CMSS1: variants seen among roughly 807,000 people sequenced by gnomAD.
CMSS1 encodes protein CMSS1.
Under a neutral mutation model 43.5 loss-of-function variants are expected in CMSS1, and 33 were observed. That is an observed-to-expected ratio of 0.76 (90% confidence interval 0.57 to 1.01). The LOEUF (loss-of-function observed/expected upper bound fraction) is 1.01. CMSS1 is among the 50% of genes least tolerant of loss of function. The probability of loss-of-function intolerance (pLI) is 0.00; values close to 1 mark genes in which losing one functional copy is unlikely to be tolerated. For missense variants in CMSS1, 313 were observed against 326.4 expected (o/e 0.96, Z 0.32); for synonymous variants, 115 against 117.2 (o/e 0.98, Z 0.12).
rs146817693 is a variant in CMSS1 at position 100,140,401 on chromosome 3, T to C, written c.65-6572T>C. Among the ~76,000 whole-genome samples, 56 of 152,274 alleles carry C rather than the reference T, an allele frequency of 3.7e-4. 1 individual carries two copies. Among genetic ancestry groups the C allele is most frequent in the Middle Eastern group, 3.4e-3 (1 of 294 alleles). On this transcript the variant is annotated intron_variant, in intron 1 of 9. Coordinates refer to ENST00000421999, the MANE Select transcript of CMSS1 (RefSeq NM_032359.4). Reference sequence around the variant, plus strand: ...ACTGATCCTTTTTCTGCCTCTATAGTTTTGCCCTTTCTAGAATGTTAAAAT... The same window carrying C: ...ACTGATCCTTTTTCTGCCTCTATAGCTTTGCCCTTTCTAGAATGTTAAAAT...
chr3:100,060,433 G>T (rs2065543176), intron 1 of CMSS1, among the ~76,000 whole-genome samples: 1 of 151,944 alleles, frequency 6.6e-6, no homozygotes, highest in Non-Finnish European at 1.5e-5. Context: ...TTTAAAGTAT[G>T]CCAATGCCCT....
At chr3:100,077,089 G>C (rs964183821) in intron 1 of CMSS1, among the ~76,000 whole-genome samples, 2 of 152,158 alleles carry the variant, frequency 1.3e-5, no homozygotes, top group East Asian at 3.8e-4. Flanking sequence ...GTCTCCCAAG[G>C]TCACAGACAG....
chr3:100,042,155 A>T (rs922971623), intron 1 of CMSS1, among the ~76,000 whole-genome samples: 1 of 152,212 alleles, frequency 6.6e-6, no homozygotes, highest in Non-Finnish European at 1.5e-5. Flanking sequence ...ATATTAAAGG[A>T]TCTACAAAGG....
chr3:100,050,525 G>T (rs1183175260), intron 1 of CMSS1, among the ~76,000 whole-genome samples: 1 of 151,932 alleles, frequency 6.6e-6, no homozygotes, highest in Non-Finnish European at 1.5e-5. Context: ...CAATTTGTTT[G>T]TTTATTTGTT....
At chr3:99,870,188 AT>A (rs1399524710) in intron 1 of CMSS1, among the ~76,000 whole-genome samples, 1 of 151,970 alleles carries the variant, frequency 6.6e-6, no homozygotes, top group African/African-American at 2.4e-5. Flanking sequence ...CCTTTTTGTA[AT>A]TTGTAGAAAC....
At chr3:99,931,099 C>T in intron 1 of CMSS1, 1 of 1,280,196 alleles carries the variant, frequency 7.8e-7, no homozygotes, top group Non-Finnish European at 1.1e-6. Context: ...CCTATTACTG[C>T]TTTAACAAGT....
rs180947216 is a variant in CMSS1, at chr3:99,979,492, G to T, written c.64+161449G>T. Reference sequence around the variant, plus strand: ...GATGATGAACCAGCATTGGAGTCAGGTTGTTCATAGGTAGAAATGGTTTAT... The same window carrying T: ...GATGATGAACCAGCATTGGAGTCAGTTTGTTCATAGGTAGAAATGGTTTAT... On this transcript the variant is annotated intron_variant, in intron 1 of 9. Coordinates refer to ENST00000421999, the MANE Select transcript of CMSS1 (RefSeq NM_032359.4). Among the ~76,000 whole-genome samples the T allele has an allele frequency of 8.6e-4, 131 of 152,262 alleles. 1 individual carries two copies. The highest frequency in any genetic ancestry group is 2.5e-4 in the Non-Finnish European group (17 of 68,020).
intron 1 of CMSS1, among the ~76,000 whole-genome samples, chr3:99,907,577 T>C (rs1434815413): frequency 1.3e-5 from 2 of 152,200 alleles, no homozygotes. Flanking sequence ...TGCAGCTCTT[T>C]GCTGAACATA....
chr3:99,988,094 T>C (rs1709399390), intron 1 of CMSS1, among the ~76,000 whole-genome samples: 1 of 152,150 alleles, frequency 6.6e-6, no homozygotes. Context: ...AGAATCTTCT[T>C]TTTATATTCT....
At chr3:100,037,957 G>GT (rs1232268596) in intron 1 of CMSS1, among the ~76,000 whole-genome samples, 152 of 10,650 alleles carry the variant, frequency 0.014, 1 homozygote, top group Non-Finnish European at 0.032. Flanking sequence ...TTTTTTTTTT[G>GT]GGGGGGGAGG....
At chr3:99,990,672 C>A (rs1709485260) in intron 1 of CMSS1, among the ~76,000 whole-genome samples, 1 of 140,546 alleles carries the variant, frequency 7.1e-6, no homozygotes, top group African/African-American at 2.5e-5. Context: ...CATTCCAAAG[C>A]CTCCTGGTAT....
intron 1 of CMSS1, among the ~76,000 whole-genome samples, chr3:99,860,087 G>A (rs948940650): frequency 2.6e-5 from 4 of 152,112 alleles, no homozygotes; most frequent in African/African-American, 9.7e-5. Context: ...TTATGTCCTT[G>A]TTACTGAAGA....
intron 1 of CMSS1, chr3:100,041,241 T>C (rs1014120405): frequency 2.0e-5 from 3 of 152,184 alleles, no homozygotes; most frequent in Non-Finnish European, 2.9e-5. Context: ...CTACCTGTGT[T>C]CCAAGTTAAT....
At chr3:99,841,419 A>G (rs148384683) in intron 1 of CMSS1, among the ~76,000 whole-genome samples, 139 of 152,228 alleles carry the variant, frequency 9.1e-4, no homozygotes, top group African/African-American at 3.1e-3. Context: ...AACTCCCTCT[A>G]TTGTTTAGAC....
At chr3:100,164,754 A>G (rs7641782) in intron 4 of CMSS1, among the ~76,000 whole-genome samples, 26,506 of 151,984 alleles carry the variant, frequency 0.17, 2,378 homozygotes, top group South Asian at 0.2. Context: ...GGAGGGACAT[A>G]AATCCCCTTA....
intron 1 of CMSS1, among the ~76,000 whole-genome samples, chr3:100,056,620 G>A (rs1319908478): frequency 3.3e-5 from 5 of 151,868 alleles, no homozygotes; most frequent in African/African-American, 2.4e-5. Context: ...CACAGCTAAT[G>A]TTGAGTTTCT....
intron 1 of CMSS1, among the ~76,000 whole-genome samples, chr3:100,101,981 T>C (rs564189171): frequency 6.6e-6 from 1 of 152,338 alleles, no homozygotes; most frequent in Non-Finnish European, 1.5e-5. Flanking sequence ...TAGTATTCCA[T>C]GGTGTATATG....
chr3:100,109,113 T>C (rs772950598), intron 1 of CMSS1, among the ~76,000 whole-genome samples: 11 of 151,910 alleles, frequency 7.2e-5, no homozygotes, highest in Admixed American at 5.3e-4. Flanking sequence ...CATATTTCTC[T>C]GCCACTAACT....
chr3:100,120,566 G>A (rs894308998), intron 1 of CMSS1, among the ~76,000 whole-genome samples: 8 of 152,212 alleles, frequency 5.3e-5, no homozygotes, highest in East Asian at 1.9e-4. Context: ...TATACCAACC[G>A]TGCTAAGCGT....
Sources: allele counts gnomAD v4.1 joint callset (sites outside exome capture counted in the v4.1 genomes callset), GRCh38; gene constraint gnomAD v4.1.1; transcripts MANE v1.5; gene names NCBI Gene and HGNC (gene_info 2026-07-23, HGNC 2026-07-21).